The following KNDC1 variants were observed in gnomAD, a reference collection of about 807,000 sequenced individuals.
KNDC1 encodes the protein kinase non-catalytic C-lobe domain-containing protein 1.
A neutral mutation model predicts 172.8 loss-of-function variants in KNDC1; 106 were observed. The observed-to-expected ratio is 0.61, with a 90% CI of 0.52 to 0.72. KNDC1 has a LOEUF of 0.72. KNDC1 is among the 30% of genes least tolerant of loss of function. The probability of loss-of-function intolerance (pLI) is 0.00; values close to 1 mark genes in which losing one functional copy is unlikely to be tolerated. For missense variants in KNDC1, 2,325 were observed against 2,394.5 expected, an observed-to-expected ratio of 0.97 and a Z score of 0.61; for synonymous variants, 1,083 against 1,062.2, an observed-to-expected ratio of 1.02 and a Z score of -0.38.
chr10:133,165,356 T>A (rs1211356111), intron 1 of KNDC1, among the ~76,000 whole-genome samples: 1 of 152,162 alleles, frequency 6.6e-6, no homozygotes, highest in Non-Finnish European at 1.5e-5. Flanking sequence ...GTGCGAGTGG[T>A]GGCCCTGCTG....
At position 133,198,982 on chromosome 10, in the gene KNDC1, C is replaced by A; in HGVS notation, c.2474C>A (p.Pro825Gln). 1 of 1,548,792 alleles carries A rather than the reference C, an allele frequency of 6.5e-7. No homozygotes were observed. The highest frequency in any genetic ancestry group is 2.4e-5 in the East Asian group (1 of 41,338). ...GGGCCCACCACGGCCCACCACGGCC[C>A]ACGCCACCCGCCCAAGCCCCCACGA... is the stretch of plus-strand genomic sequence containing the variant. ...ALGPTTAHHG[P>Q]RHPPKPPRSK... Residue 825 changes from proline to glutamine, a missense_variant, in exon 14 of 30, where the codon CCA (proline) becomes CAA (glutamine). By Grantham distance (76) the Pro-to-Gln change is moderately conservative. Transcript: ENST00000304613.
chr10:133,209,848 G>A lies in KNDC1; in HGVS notation c.3795-763G>A, dbSNP rs112391730. ...CTGAGACTCCTCCAGGGTGGGAGGA[G>A]GCCTTGCCAGGCCTCCGCTTCCTGA... is the stretch of plus-strand genomic sequence containing the variant. On this transcript the variant is annotated intron_variant, in intron 20 of 29. Coordinates refer to ENST00000304613, the MANE Select transcript of KNDC1 (RefSeq NM_152643.8). The surrounding 1 kb of genome is among the most constrained non-coding windows in gnomAD (Gnocchi z 4.9). Among the ~76,000 whole-genome samples the A allele has an allele frequency of 3.0e-4, 46 of 152,168 alleles. No individual in the cohort carries two copies. The highest frequency in any genetic ancestry group is 6.0e-4 in the Non-Finnish European group (41 of 67,974).
intron 26 of KNDC1, 102 bp from the exon 27 acceptor site, chr10:133,218,729 C>T (rs1435019918): frequency 9.1e-6 from 13 of 1,424,050 alleles, no homozygotes; most frequent in East Asian, 6.9e-5. Flanking sequence ...ATGCAGCACA[C>T]GCTCTTGTGT....
intron 17 of KNDC1, chr10:133,202,516 C>T (rs573942407): frequency 4.0e-5 from 17 of 425,530 alleles, no homozygotes; most frequent in African/African-American, 2.0e-4. Flanking sequence ...GCTGCATTCT[C>T]GAGAGCCCCG....
At chr10:133,215,208 G>A (rs986893344) in intron 26 of KNDC1, among the ~76,000 whole-genome samples, 2 of 152,318 alleles carry the variant, frequency 1.3e-5, no homozygotes, top group South Asian at 2.1e-4. Flanking sequence ...TCCCGGCCAC[G>A]AACCCCATCA....
chr10:133,172,253 G>C (rs192173457), intron 3 of KNDC1, among the ~76,000 whole-genome samples: 1 of 152,140 alleles, frequency 6.6e-6, no homozygotes, highest in Non-Finnish European at 1.5e-5. Context: ...CCTCCACCGC[G>C]AGTCCCCCTT....
intron 14 of KNDC1, 69 bp downstream of exon 14, chr10:133,199,335 C>T (rs1221743078): frequency 1.2e-5 from 18 of 1,550,314 alleles, no homozygotes; most frequent in African/African-American, 6.8e-5. Flanking sequence ...GACTCGGGGC[C>T]GCCCCACGCC....
intron 28 of KNDC1, 27 bp from the exon 29 acceptor site, chr10:133,219,928 C>T: frequency 9.7e-6 from 15 of 1,543,016 alleles, no homozygotes; most frequent in Non-Finnish European, 1.3e-5. Context: ...TGTCTCTCCC[C>T]GGCCCACGCC....
At chr10:133,167,202 C>T in intron 1 of KNDC1, 179 bp from the exon 2 acceptor site, 2 of 634,322 alleles carry the variant, frequency 3.2e-6, no homozygotes, top group Non-Finnish European at 5.4e-6. Context: ...GCTCTGACGT[C>T]CAGGGAACAG....
At chr10:133,215,094 G>A (rs1367349446) in intron 26 of KNDC1, among the ~76,000 whole-genome samples, 1 of 152,216 alleles carries the variant, frequency 6.6e-6, no homozygotes, top group Non-Finnish European at 1.5e-5. Context: ...CTCCAAGTAA[G>A]ACTCAGGATT....
chr10:133,211,943 G>GCACACACATA, intron 23 of KNDC1, 85 bp downstream of exon 23: 1 of 1,346,904 alleles, frequency 7.4e-7, no homozygotes. Context: ...ACTGGTGCAT[G>GCACACACATA]CACACACATA....
chr10:133,198,887 C>CGTAG lies in KNDC1; in HGVS notation c.2380_2383dup (p.Glu795GlyfsTer7), dbSNP rs1238373306. On this transcript the variant is annotated frameshift_variant, in exon 14 of 30. Transcript: ENST00000304613. LOFTEE classifies it high-confidence loss of function. ...CGCCCACGAAGGCATCTGCGCTGCC[C>CGTAG]GTAGAGCAAGGGCCGGCTGAGCCGA... The CGTAG allele has an allele frequency of 6.3e-7, 1 of 1,593,656 alleles. No individual in the cohort carries two copies. Among genetic ancestry groups the CGTAG allele is most frequent in the African/African-American group, 1.3e-5 (1 of 74,608 alleles).
rs529476396 is a variant in KNDC1 at position 133,168,813 on chromosome 10, G to T, written c.360+501G>T. Among the ~76,000 whole-genome samples the T allele has an allele frequency of 2.0e-5, 3 of 152,266 alleles. No homozygotes were observed. In the South Asian group the frequency reaches 6.2e-4, roughly 32 times the overall value. ...GGGCGTGGGCATGGGCCACCCTGGG[G>T]GCCTCACCGGCAGAGTCATAGATGC... On this transcript the variant is annotated intron_variant, in intron 3 of 29. Coordinates refer to ENST00000304613, the MANE Select transcript of KNDC1 (RefSeq NM_152643.8).
intron 17 of KNDC1, 78 bp downstream of exon 17, chr10:133,201,976 C>A: frequency 6.9e-7 from 1 of 1,440,612 alleles, no homozygotes; most frequent in Non-Finnish European, 9.4e-7. Context: ...CTGCAGGTGA[C>A]AGATGGCACC....
rs1392974804 is a variant in KNDC1, at chr10:133,201,915, G to A, written c.3387+17G>A. The stretch of plus-strand genomic sequence containing the variant: ...CAGAGCCCGGTGAGTCCCAGGCCTT[G>A]GCACTGCCGGGTGGGGCAGGGCGTC... On this transcript the variant is annotated intron_variant, in intron 17 of 29. Coordinates refer to ENST00000304613, the MANE Select transcript of KNDC1 (RefSeq NM_152643.8). 6.6e-7 allele frequency: 1 copy of A among 1,509,256 alleles called. No homozygotes were observed. Among genetic ancestry groups the A allele is most frequent in the Non-Finnish European group, 8.8e-7 (1 of 1,130,582 alleles). The allele number at this position is 1,509,256 out of a possible 1,614,324, so 93.5% of individuals were successfully genotyped here.
At chr10:133,195,482 C>T (rs1187392738) in intron 9 of KNDC1, among the ~76,000 whole-genome samples, 181 bp from the exon 10 acceptor site, 1 of 152,200 alleles carries the variant, frequency 6.6e-6, no homozygotes, top group Non-Finnish European at 1.5e-5. Flanking sequence ...TGGACCACGA[C>T]CTGGAGGCGG....
At position 133,175,579 on chromosome 10, in the gene KNDC1, A is replaced by G. The variant is rs1426109536; in HGVS notation, c.360+7267A>G. Among the ~76,000 whole-genome samples the G allele has an allele frequency of 5.0e-5, 5 of 100,326 alleles. No homozygotes were observed. In the East Asian group the frequency reaches 1.8e-3, roughly 36 times the overall value. 65.8% of individuals were successfully genotyped at this position (100,326 alleles called of 152,430 possible). ...AGTAGATGCATGGGTGAGTAAATGGATGGGTAGATGGATGGATGGATGGAT... is the reference window on the plus strand; with the variant it reads ...AGTAGATGCATGGGTGAGTAAATGGGTGGGTAGATGGATGGATGGATGGAT... On this transcript the variant is annotated intron_variant, in intron 3 of 29. Coordinates refer to ENST00000304613, the MANE Select transcript of KNDC1 (RefSeq NM_152643.8).
At chr10:133,177,426 G>C (rs1277914408) in intron 3 of KNDC1, among the ~76,000 whole-genome samples, 1 of 138,720 alleles carries the variant, frequency 7.2e-6, no homozygotes. Flanking sequence ...GTGTATGATG[G>C]TGTGCATGAA....
chr10:133,176,036 G>T (rs1266660443), intron 3 of KNDC1, among the ~76,000 whole-genome samples: 1 of 150,588 alleles, frequency 6.6e-6, no homozygotes, highest in Non-Finnish European at 1.5e-5. Context: ...ATGGATGGAT[G>T]AATGGATAGA....
Sources: allele counts gnomAD v4.1 joint callset (sites outside exome capture counted in the v4.1 genomes callset), GRCh38; gene constraint gnomAD v4.1.1; non-coding constraint Gnocchi (gnomAD v3.1); transcripts MANE v1.5; gene names NCBI Gene and HGNC (gene_info 2026-07-23, HGNC 2026-07-21).